Variants in HK2 observed in about 807,000 individuals in gnomAD.
The protein encoded by HK2 is hexokinase-2.
HK2 carries 42 observed loss-of-function variants against 92.9 expected under a neutral mutation model. The ratio of observed to expected loss-of-function variants is 0.45; its 90% CI spans 0.35 to 0.58. The LOEUF (loss-of-function observed/expected upper bound fraction) is 0.58. Among genes scored for constraint, HK2 ranks in the 20% least tolerant of loss-of-function variants. The pLI is 0.00. For synonymous variants in HK2, 422 were observed against 468.0 expected (o/e 0.90, Z 1.27); for missense variants, 978 against 1,245.1 (o/e 0.79, Z 3.23).
chr2:74,883,162 G>A (rs1289804143), intron 12 of HK2, among the ~76,000 whole-genome samples: 3 of 152,144 alleles, frequency 2.0e-5, no homozygotes, highest in Non-Finnish European at 2.9e-5. Flanking sequence ...ATGTAGGAGT[G>A]CACGTGCACG....
intron 1 of HK2, among the ~76,000 whole-genome samples, chr2:74,851,620 A>G (rs575536351): frequency 6.6e-6 from 1 of 152,356 alleles, no homozygotes; most frequent in South Asian, 2.1e-4. Context: ...TCCTCAGTGC[A>G]GGAACTCCTG....
intron 8 of HK2, 21 bp downstream of exon 8, chr2:74,877,342 C>A (rs373781772): frequency 6.2e-7 from 1 of 1,613,980 alleles, no homozygotes; most frequent in Non-Finnish European, 8.5e-7. Context: ...GGCCAGCCCC[C>A]TCTATTTGCT....
chr2:74,880,151 C>A (rs755418222), intron 9 of HK2, 114 bp from the exon 10 acceptor site: 52 of 1,141,008 alleles, frequency 4.6e-5, no homozygotes, highest in Non-Finnish European at 6.2e-5. Context: ...GCAGCACCCA[C>A]TCCTGCAGGT....
intron 14 of HK2, 38 bp downstream of exon 14, chr2:74,886,431 C>G (rs774951220): frequency 1.2e-6 from 2 of 1,613,782 alleles, no homozygotes; most frequent in Non-Finnish European, 1.7e-6. Flanking sequence ...TGGGGATGCA[C>G]AGCCTTGGGT....
At chr2:74,853,518 A>AAAC (rs146960066) in intron 1 of HK2, among the ~76,000 whole-genome samples, 11,789 of 143,364 alleles carry the variant, frequency 0.082, 591 homozygotes, top group East Asian at 0.17. Flanking sequence ...CTCAGCCTCA[A>AAAC]AACAACAACA....
Position 74,893,050 on chromosome 2 carries a change from A to G in HK2, c.*2109A>G, listed in dbSNP as rs1176309872. 4 of 125,242 alleles carry G rather than the reference A, an allele frequency of 3.2e-5. No individual in the cohort carries two copies. The highest frequency in any genetic ancestry group is 1.1e-4 in the African/African-American group (4 of 35,514). The allele number at this position is 125,242 out of a possible 1,614,324, so 7.8% of individuals were successfully genotyped here. A position where few individuals can be genotyped will look rare whatever the true frequency, so the allele number is the denominator to read the frequency against. ...AGTTACACTTTTTTTTTTTTTTTTA[A>G]AGGTAGAGATGTGTGTGTGTGTAGG... On this transcript the variant is annotated 3_prime_UTR_variant, in exon 18 of 18. Transcript: ENST00000290573.
chr2:74,876,647 GC>G (rs1168315769), intron 7 of HK2, among the ~76,000 whole-genome samples: 2 of 151,994 alleles, frequency 1.3e-5, no homozygotes, highest in Admixed American at 6.6e-5. Context: ...TTATAATGTT[GC>G]CCCATCATCC....
intron 12 of HK2, among the ~76,000 whole-genome samples, chr2:74,883,083 G>C (rs1025509575): frequency 2.0e-5 from 3 of 152,140 alleles, no homozygotes; most frequent in Non-Finnish European, 4.4e-5. Flanking sequence ...TGGATCTGCT[G>C]ATGACTGGTA....
intron 4 of HK2, 103 bp downstream of exon 4, chr2:74,872,522 G>A (rs779855738): frequency 4.0e-5 from 52 of 1,299,392 alleles, no homozygotes; most frequent in Non-Finnish European, 5.4e-5. Flanking sequence ...AGCACTGGAG[G>A]ATTGTGGAGA....
At chr2:74,888,475 A>T (rs1209864092) in intron 16 of HK2, among the ~76,000 whole-genome samples, 2 of 152,262 alleles carry the variant, frequency 1.3e-5, no homozygotes, top group Non-Finnish European at 2.9e-5. Flanking sequence ...AACGTCAGGC[A>T]ATGCAGACAC....
intron 2 of HK2, 65 bp from the exon 3 acceptor site, chr2:74,867,571 A>C: frequency 6.3e-7 from 1 of 1,589,698 alleles, no homozygotes; most frequent in South Asian, 1.1e-5. Context: ...TTGGAGTTTT[A>C]AGTCTCGGTT....
At chr2:74,890,741 A>G in intron 17 of HK2, 56 bp from the exon 18 acceptor site, 1 of 1,606,490 alleles carries the variant, frequency 6.2e-7, no homozygotes, top group Non-Finnish European at 8.5e-7. Flanking sequence ...AAGTGCAAAT[A>G]CAAACCAATC....
chr2:74,888,710 C>T (rs1014173527), intron 16 of HK2, among the ~76,000 whole-genome samples: 2 of 152,222 alleles, frequency 1.3e-5, no homozygotes, highest in Admixed American at 1.3e-4. Flanking sequence ...CTGTTATGTT[C>T]AGCGAGGTGA....
chr2:74,846,202 T>A (rs909541106), intron 1 of HK2, among the ~76,000 whole-genome samples: 1 of 151,922 alleles, frequency 6.6e-6, no homozygotes, highest in African/African-American at 2.4e-5. Flanking sequence ...AGTCTTTGTG[T>A]GGCCAGATTT....
chr2:74,845,150 A>G (rs910371042), intron 1 of HK2, among the ~76,000 whole-genome samples: 1 of 152,208 alleles, frequency 6.6e-6, no homozygotes, highest in African/African-American at 2.4e-5. Context: ...TTGTAAATCC[A>G]TATTTTATTA....
intron 1 of HK2, among the ~76,000 whole-genome samples, chr2:74,839,245 A>G (rs1259853065): frequency 6.6e-6 from 1 of 152,194 alleles, no homozygotes; most frequent in African/African-American, 2.4e-5. Context: ...TATGGCTGCT[A>G]GGTCAAAAGA....
intron 1 of HK2, among the ~76,000 whole-genome samples, chr2:74,849,712 G>C (rs1055964846): frequency 2.0e-5 from 3 of 152,244 alleles, no homozygotes; most frequent in Admixed American, 1.3e-4. Context: ...AAGGAAAGGG[G>C]GGGTGATAGA....
intron 2 of HK2, among the ~76,000 whole-genome samples, chr2:74,862,901 C>T (rs1688863970): frequency 6.6e-6 from 1 of 152,070 alleles, no homozygotes; most frequent in Admixed American, 6.6e-5. Context: ...TTATCGTTAC[C>T]CTTTTAAAAC....
intron 1 of HK2, among the ~76,000 whole-genome samples, chr2:74,849,899 C>T (rs1246989556): frequency 2.0e-5 from 3 of 152,194 alleles, no homozygotes; most frequent in African/African-American, 4.8e-5. Flanking sequence ...CTCCTTTCAC[C>T]ACCACCAGCT....
Sources: allele counts gnomAD v4.1 joint callset (sites outside exome capture counted in the v4.1 genomes callset), GRCh38; gene constraint gnomAD v4.1.1; transcripts MANE v1.5; gene names NCBI Gene and HGNC (gene_info 2026-07-23, HGNC 2026-07-21).